The following ANO3 variants were observed in gnomAD, a reference collection of about 807,000 sequenced individuals.
ANO3 encodes anoctamin-3.
ANO3 carries 99 observed loss-of-function variants against 144.8 expected under a neutral mutation model. The observed-to-expected ratio is 0.68, with a 90% CI of 0.58 to 0.81. The LOEUF (loss-of-function observed/expected upper bound fraction) is 0.81, where lower values mean the gene tolerates loss of function less well. Ranked by LOEUF, ANO3 falls within the 30% of genes least tolerant of loss-of-function variation. The probability of loss-of-function intolerance (pLI) is 0.00; values close to 1 mark genes in which losing one functional copy is unlikely to be tolerated. For missense variants in ANO3, 905 were observed against 1,202.2 expected, an observed-to-expected ratio of 0.75 and a Z score of 3.66; for synonymous variants, 414 against 392.6, an observed-to-expected ratio of 1.05 and a Z score of -0.64.
intron 1 of ANO3, among the ~76,000 whole-genome samples, chr11:26,253,046 G>A (rs1247274296): frequency 6.6e-6 from 1 of 152,182 alleles, no homozygotes; most frequent in Admixed American, 6.5e-5. Flanking sequence ...GACAGAGGAA[G>A]CAGAGGGCTT....
rs869312951 is a variant in ANO3, at chr11:26,534,508, A to G, written c.922A>G (p.Ile308Val). 1 of 1,613,402 alleles carries G rather than the reference A, an allele frequency of 6.2e-7. No homozygotes were observed. Among genetic ancestry groups the G allele is most frequent in the Admixed American group, 1.7e-5 (1 of 59,984 alleles). Residue 308 changes from isoleucine (I) to valine (V), a missense_variant, in exon 9 of 27, where the codon ATA becomes GTA. Physicochemically the swap from Ile to Val is conservative, Grantham distance 29. Around this residue, in one of 4 missense-constraint regions of ANO3, gnomAD observed 597 missense variants for 865.1 expected, o/e 0.69. Transcript: ENST00000256737. ...TFFSNATRSR[I>V]VYHMLERTKY... ...CTTCAGCAATGCTACTCGAAGCAGA[A>G]TAGTCTATCACATGCTGGAACGCAC...
intron 14 of ANO3, among the ~76,000 whole-genome samples, chr11:26,597,259 G>A (rs1361466050): frequency 1.3e-5 from 2 of 152,126 alleles, no homozygotes; most frequent in African/African-American, 4.8e-5. Flanking sequence ...TCTCTGACCT[G>A]GGGTTCTTGG....
intron 14 of ANO3, among the ~76,000 whole-genome samples, chr11:26,589,658 A>C (rs1455279134): frequency 6.6e-6 from 1 of 152,090 alleles, no homozygotes; most frequent in African/African-American, 2.4e-5. Flanking sequence ...GGATTTGCCT[A>C]CCTTGGGCAT....
At chr11:26,341,007 A>T (rs1028916641) in intron 1 of ANO3, among the ~76,000 whole-genome samples, 3 of 152,130 alleles carry the variant, frequency 2.0e-5, no homozygotes, top group Non-Finnish European at 4.4e-5. Context: ...TCAATTCTTT[A>T]TCTTTGTTCT....
At chr11:26,307,734 A>AATAATG (rs1854416002), upstream of ANO3, among the ~76,000 whole-genome samples, 1 of 145,626 alleles carries the variant, frequency 6.9e-6, no homozygotes, top group Non-Finnish European at 1.5e-5. Flanking sequence ...TAATAATAAT[A>AATAATG]ATAATAATAA....
chr11:26,432,264 T>G (rs565312413), intron 1 of ANO3, among the ~76,000 whole-genome samples: 41 of 152,262 alleles, frequency 2.7e-4, no homozygotes, highest in African/African-American at 8.9e-4. Context: ...GTATTTGAGT[T>G]TTTCTTGTAA....
At chr11:26,332,469 C>T (rs1329377632) in intron 1 of ANO3, 148 bp downstream of exon 1, 1 of 733,014 alleles carries the variant, frequency 1.4e-6, no homozygotes, top group Non-Finnish European at 2.2e-6. Context: ...AATTAAATTC[C>T]TCTTCACTCT....
chr11:26,393,664 G>A (rs1004569244), intron 1 of ANO3, among the ~76,000 whole-genome samples: 3 of 152,116 alleles, frequency 2.0e-5, no homozygotes, highest in Non-Finnish European at 4.4e-5. Flanking sequence ...GTTTTCAGAA[G>A]GTATTCAGTA....
Position 26,516,964 on chromosome 11 carries a change from T to C in ANO3, c.692+37T>C, listed in dbSNP as rs767073157. On this transcript the variant is annotated intron_variant, in intron 6 of 26. Coordinates refer to ENST00000256737, the MANE Select transcript of ANO3 (RefSeq NM_031418.4). ...TTTTACTTTATTTTATCTCAATATATATTAAAATGAGTCTATCTTTGCATC... is the reference window on the plus strand; with the variant it reads ...TTTTACTTTATTTTATCTCAATATACATTAAAATGAGTCTATCTTTGCATC... The C allele has an allele frequency of 4.0e-6, 5 of 1,261,566 alleles. No homozygotes were observed. The East Asian group carries it at 7.3e-5, about 19-fold the overall frequency. 78.1% of individuals were successfully genotyped at this position (1,261,566 alleles called of 1,614,324 possible).
intron 21 of ANO3, among the ~76,000 whole-genome samples, chr11:26,641,509 G>A (rs1246254608): frequency 6.6e-6 from 1 of 152,130 alleles, no homozygotes; most frequent in African/African-American, 2.4e-5. Context: ...CAACAAAGAA[G>A]TTTAAGTATT....
Position 26,584,147 on chromosome 11 carries a change from TTTTGTTTGTTTGTTTG to T in ANO3, c.1448-14203_1448-14188del, listed in dbSNP as rs146545367. Among the ~76,000 whole-genome samples the T allele has an allele frequency of 6.9e-3, 1,021 of 148,944 alleles. 6 individuals carry two copies. Among genetic ancestry groups the T allele is most frequent in the Middle Eastern group, 0.01 (3 of 292 alleles). ...TCCCTGGTGAGATTCTGTCTTGTTT[TTTTGTTTGTTTGTTTG>T]TTTGTTTGTTTGTTGAGATGTAGTC... On this transcript the variant is annotated intron_variant, in intron 14 of 26. Transcript: ENST00000256737.
chr11:26,231,982 T>C (rs145844150), intron 1 of ANO3, among the ~76,000 whole-genome samples: 132 of 152,324 alleles, frequency 8.7e-4, no homozygotes, highest in Non-Finnish European at 1.6e-3. Flanking sequence ...AAACACTTTA[T>C]AATATTTGCT....
At chr11:26,285,343 ATGT>A (rs1390505103) in intron 1 of ANO3, among the ~76,000 whole-genome samples, 3 of 152,184 alleles carry the variant, frequency 2.0e-5, no homozygotes, top group African/African-American at 7.2e-5. Context: ...AAAGCAAGAC[ATGT>A]TGTATGAAAT....
chr11:26,437,668 G>A (rs926371952), intron 1 of ANO3, among the ~76,000 whole-genome samples: 2 of 152,062 alleles, frequency 1.3e-5, no homozygotes, highest in African/African-American at 4.8e-5. Flanking sequence ...CCCTCCATAG[G>A]TAGTTTTTCA....
chr11:26,606,380 G>A (rs1246747273), intron 17 of ANO3, among the ~76,000 whole-genome samples: 2 of 152,154 alleles, frequency 1.3e-5, no homozygotes, highest in Non-Finnish European at 2.9e-5. Context: ...GTGTGATGTG[G>A]TGCTGAGAAG....
rs144135605 is a variant in ANO3, at chr11:26,368,997, A to G, written c.46+36676A>G. Among the ~76,000 whole-genome samples the G allele has an allele frequency of 5.4e-3, 820 of 152,222 alleles. 5 individuals carry two copies. Among genetic ancestry groups the G allele is most frequent in the African/African-American group, 0.019 (793 of 41,538 alleles). On this transcript the variant is annotated intron_variant, in intron 1 of 26. Coordinates refer to ENST00000256737, the MANE Select transcript of ANO3 (RefSeq NM_031418.4). ...CAAAAAAGCATAAAGATCTACAGTC[A>G]TGTCATAGGCAATTTCATTCCCCCC...
At chr11:26,546,755 A>G (rs551811283) in intron 11 of ANO3, among the ~76,000 whole-genome samples, 8 of 152,158 alleles carry the variant, frequency 5.3e-5, no homozygotes, top group Admixed American at 3.9e-4. Context: ...GCATCCTTCG[A>G]TACTTCCTGC....
chr11:26,540,615 C>T (rs563088322), intron 10 of ANO3, among the ~76,000 whole-genome samples: 1 of 152,056 alleles, frequency 6.6e-6, no homozygotes, highest in East Asian at 1.9e-4. Context: ...AAAAAAATAA[C>T]CCCATCAAAA....
chr11:26,454,514 A>G (rs929017533), intron 3 of ANO3, among the ~76,000 whole-genome samples: 1 of 152,228 alleles, frequency 6.6e-6, no homozygotes, highest in Non-Finnish European at 1.5e-5. Context: ...ATGCTCTCCC[A>G]AGACTAAACA....
Sources: gnomAD v4.1 joint callset for allele counts (sites outside exome capture counted in the v4.1 genomes callset) on GRCh38, gnomAD v4.1.1 for gene constraint, gnomAD v4.1.1 regional missense constraint, MANE v1.5 for transcripts, NCBI Gene and HGNC (gene_info 2026-07-23, HGNC 2026-07-21) for gene names.